NAA11: variants seen among roughly 807,000 people sequenced by gnomAD.
NAA11 encodes N-alpha-acetyltransferase 11, NatA catalytic subunit, also known as N-alpha-acetyltransferase 11.
NAA11 carries 15 observed loss-of-function variants against 16.1 expected under a neutral mutation model. The ratio of observed to expected loss-of-function variants is 0.93; its 90% confidence interval spans 0.62 to 1.44. The LOEUF is 1.44. Ranked by LOEUF, NAA11 falls within the 40% of genes most tolerant of loss-of-function variation. NAA11 has a pLI of 0.00. For missense variants in NAA11, 298 were observed against 291.3 expected (o/e 1.02, Z -0.17); for synonymous variants, 122 against 112.4 (o/e 1.09, Z -0.54).
intron 1 of NAA11, among the ~76,000 whole-genome samples, chr4:79,307,825 T>C (rs1723634990): frequency 6.6e-6 from 1 of 152,184 alleles, no homozygotes; most frequent in Admixed American, 6.5e-5. Flanking sequence ...GAAAGAAAAT[T>C]CTATTTTCTT....
chr4:79,194,551 C>T, the NAA11 span, among the ~76,000 whole-genome samples: 155 of 151,746 alleles, frequency 1.0e-3, 1 homozygote, highest in Admixed American at 9.9e-3. Context: ...AGTGGGGAGG[C>T]AAAAGAGTAA....
At chr4:79,218,871 T>A in the NAA11 span, among the ~76,000 whole-genome samples, 3 of 152,142 alleles carry the variant, frequency 2.0e-5, no homozygotes. Flanking sequence ...TTCATATCAA[T>A]GGTCTTCTTT....
chr4:79,245,737 C>G lies in NAA11; in HGVS notation c.*123-19467G>C, dbSNP rs111921468. Among the ~76,000 whole-genome samples the G allele has an allele frequency of 3.1e-3, 475 of 151,192 alleles. 1 individual carries two copies. The highest frequency in any genetic ancestry group is 5.2e-3 in the Non-Finnish European group (355 of 67,726). On this transcript the variant is annotated intron_variant and NMD_transcript_variant, in intron 2 of 2. Transcript: ENST00000511542. ...CCCTCTGGGAGGTTGGGGGCGCCCC[C>G]GCCCGGCAGCCACCCCCTCTGGGAG...
chr4:79,180,648 C>T, the NAA11 span, among the ~76,000 whole-genome samples: 23 of 152,304 alleles, frequency 1.5e-4, no homozygotes, highest in African/African-American at 5.5e-4. Context: ...TAAACTAGTT[C>T]AACCATTGTG....
At chr4:79,176,686 G>A in the NAA11 span, among the ~76,000 whole-genome samples, 4 of 151,972 alleles carry the variant, frequency 2.6e-5, no homozygotes, top group South Asian at 2.1e-4. Context: ...TGGGTACTTC[G>A]ACCTATACAA....
chr4:79,222,249 A>G (rs1721205226), downstream of NAA11, among the ~76,000 whole-genome samples: 1 of 151,996 alleles, frequency 6.6e-6, no homozygotes, highest in Non-Finnish European at 1.5e-5. Context: ...TATTGCATCT[A>G]TTTGATTCTT....
At chr4:79,178,228 CACAA>C in the NAA11 span, among the ~76,000 whole-genome samples, 2 of 152,092 alleles carry the variant, frequency 1.3e-5, no homozygotes, top group Non-Finnish European at 1.5e-5. Context: ...GACTTTGAAT[CACAA>C]ACATTTTTTC....
intron 2 of NAA11, among the ~76,000 whole-genome samples, chr4:79,252,301 G>A (rs897550485): frequency 1.6e-4 from 24 of 152,196 alleles, no homozygotes; most frequent in African/African-American, 5.8e-4. Context: ...ATATATCCAT[G>A]TAACAAAACT....
chr4:79,311,885 G>T (rs139867716), downstream of NAA11, among the ~76,000 whole-genome samples: 354 of 152,298 alleles, frequency 2.3e-3, 2 homozygotes, highest in Non-Finnish European at 3.9e-3. Context: ...CCTTTCAAGG[G>T]CTACACAGAC....
downstream of NAA11, among the ~76,000 whole-genome samples, chr4:79,314,522 G>A (rs1047240290): frequency 6.6e-6 from 1 of 151,426 alleles, no homozygotes; most frequent in Admixed American, 6.6e-5. Flanking sequence ...AGGTGATTCC[G>A]ATGCACTAAG....
At chr4:79,218,343 G>GTT in the NAA11 span, among the ~76,000 whole-genome samples, 27 of 144,114 alleles carry the variant, frequency 1.9e-4, no homozygotes, top group African/African-American at 2.8e-4. Flanking sequence ...AAATAAGTTA[G>GTT]TTTTTTTTTT....
chr4:79,301,552 G>A (rs1224391923), intron 1 of NAA11, among the ~76,000 whole-genome samples: 5 of 151,958 alleles, frequency 3.3e-5, no homozygotes, highest in Non-Finnish European at 5.9e-5. Context: ...ATTTTACTTC[G>A]GGCTCATTTC....
chr4:79,286,368 G>A (rs902318157), intron 2 of NAA11, among the ~76,000 whole-genome samples: 12 of 151,972 alleles, frequency 7.9e-5, no homozygotes, highest in Admixed American at 7.2e-4. Context: ...GGATGAGGTG[G>A]GCAAATAAGG....
At chr4:79,161,713 C>T in the NAA11 span, among the ~76,000 whole-genome samples, 16 of 146,782 alleles carry the variant, frequency 1.1e-4, no homozygotes, top group Admixed American at 2.7e-4. Flanking sequence ...CTTGCTCTGT[C>T]GCCCAGGCTG....
chr4:79,298,519 T>C (rs1484060366), intron 1 of NAA11, among the ~76,000 whole-genome samples: 1 of 152,214 alleles, frequency 6.6e-6, no homozygotes, highest in Non-Finnish European at 1.5e-5. Context: ...CTGTGGAAGC[T>C]GCTTATGGTG....
chr4:79,249,492 T>C (rs955240648), intron 2 of NAA11, among the ~76,000 whole-genome samples: 1 of 152,144 alleles, frequency 6.6e-6, no homozygotes, highest in East Asian at 1.9e-4. Flanking sequence ...AACAGCAGAA[T>C]TGACCAGCTA....
chr4:79,227,746 TA>T (rs1276818523), intron 2 of NAA11: 3 of 151,996 alleles, frequency 2.0e-5, no homozygotes, highest in Non-Finnish European at 4.4e-5. Context: ...ATGTTTTAAA[TA>T]ATGCAGCCTA....
Position 79,273,555 on chromosome 4 carries a change from CT to C in NAA11, c.*122+20449del, listed in dbSNP as rs1722549202. Reference sequence around the variant, plus strand: ...GTATCGGCAAGGAGGTACCACTGGTCTTTTTAACCCTAATATCTATAATGTG... The same window carrying C: ...GTATCGGCAAGGAGGTACCACTGGTCTTTTAACCCTAATATCTATAATGTG... On this transcript the variant is annotated intron_variant and NMD_transcript_variant, in intron 2 of 2. Transcript: ENST00000511542. 3.9e-5 allele frequency among the ~76,000 whole-genome samples: 6 copies of C among 152,032 alleles called. 1 individual carries two copies. In the South Asian group the frequency reaches 1.2e-3, roughly 32 times the overall value.
intron 2 of NAA11, among the ~76,000 whole-genome samples, chr4:79,251,630 A>C (rs1721997739): frequency 1.1e-5 from 1 of 88,996 alleles, no homozygotes; most frequent in Non-Finnish European, 2.8e-5. Context: ...CTAAAATAAA[A>C]GTGAATTAAA....
Sources: allele counts gnomAD v4.1 joint callset (sites outside exome capture counted in the v4.1 genomes callset), GRCh38; gene constraint gnomAD v4.1.1; transcripts MANE v1.5; gene names NCBI Gene and HGNC (gene_info 2026-07-23, HGNC 2026-07-21).